RORA: variants seen among roughly 807,000 people sequenced by gnomAD.
The protein encoded by RORA is nuclear receptor ROR-alpha.
In RORA, 7 loss-of-function variants were observed where a neutral mutation model predicts 69.5. The observed-to-expected ratio is 0.10, with a 90% CI of 0.06 to 0.19. The LOEUF (loss-of-function observed/expected upper bound fraction) is 0.19. RORA is among the 10% of genes least tolerant of loss of function. The probability of loss-of-function intolerance (pLI) is 1.00; values close to 1 mark genes in which losing one functional copy is unlikely to be tolerated. For synonymous variants in RORA, 261 were observed against 240.8 expected, an observed-to-expected ratio of 1.08 and a Z score of -0.78; for missense variants, 457 against 663.0, an observed-to-expected ratio of 0.69 and a Z score of 3.41.
intron 1 of RORA, among the ~76,000 whole-genome samples, chr15:61,077,464 G>T (rs1044371130): frequency 6.6e-6 from 1 of 152,054 alleles, no homozygotes; most frequent in South Asian, 2.1e-4. Context: ...TCGACTATGG[G>T]TACCTAGATA....
chr15:60,729,841 T>C (rs1042126510), intron 1 of RORA, among the ~76,000 whole-genome samples: 1 of 152,268 alleles, frequency 6.6e-6, no homozygotes, highest in Non-Finnish European at 1.5e-5. Context: ...TTAGGGATGG[T>C]ATTTTCTATG....
intron 1 of RORA, among the ~76,000 whole-genome samples, chr15:61,095,127 G>C (rs910309467): frequency 6.6e-6 from 1 of 152,188 alleles, no homozygotes; most frequent in East Asian, 1.9e-4. Flanking sequence ...GTGTAAAGCT[G>C]TAATCAGGGA....
chr15:60,676,720 G>A (rs749358843), intron 2 of RORA, among the ~76,000 whole-genome samples: 1 of 152,188 alleles, frequency 6.6e-6, no homozygotes, highest in Non-Finnish European at 1.5e-5. Context: ...CCTGGTTCAA[G>A]TGTCTGTTTT....
intron 1 of RORA, among the ~76,000 whole-genome samples, chr15:61,006,745 G>A (rs1197098296): frequency 6.6e-6 from 1 of 152,082 alleles, no homozygotes; most frequent in Non-Finnish European, 1.5e-5. Flanking sequence ...TCTGCCTGAA[G>A]AATGCATTAT....
intron 1 of RORA, among the ~76,000 whole-genome samples, chr15:60,987,019 A>G (rs1357815282): frequency 6.6e-6 from 1 of 152,178 alleles, no homozygotes; most frequent in Non-Finnish European, 1.5e-5. Flanking sequence ...GCTACTTCGG[A>G]TGTCCAGTAA....
chr15:61,001,614 C>T (rs1195012897), intron 1 of RORA, among the ~76,000 whole-genome samples: 1 of 152,210 alleles, frequency 6.6e-6, no homozygotes, highest in Non-Finnish European at 1.5e-5. Context: ...CAAGTATCTC[C>T]TGAGTGCCGG....
intron 1 of RORA, among the ~76,000 whole-genome samples, chr15:61,205,573 C>T (rs2079933779): frequency 6.6e-6 from 1 of 152,176 alleles, no homozygotes. Flanking sequence ...TTCTCTAGCA[C>T]ATCCGTCTCA....
At chr15:60,754,443 C>T (rs1595687457) in intron 1 of RORA, among the ~76,000 whole-genome samples, 1 of 152,250 alleles carries the variant, frequency 6.6e-6, no homozygotes, top group African/African-American at 2.4e-5. Flanking sequence ...CTGTAGCATC[C>T]ATATCATCTG....
intron 1 of RORA, among the ~76,000 whole-genome samples, chr15:60,709,204 A>C (rs1178928394): frequency 2.0e-5 from 3 of 152,212 alleles, no homozygotes; most frequent in Non-Finnish European, 4.4e-5. Context: ...AAGTGACTAC[A>C]TTTAAGTTTT....
chr15:61,216,127 C>T (rs1248306813), intron 1 of RORA, among the ~76,000 whole-genome samples: 2 of 152,154 alleles, frequency 1.3e-5, no homozygotes, highest in South Asian at 2.1e-4. Context: ...AATACTTTGA[C>T]CTATCCTAGT....
At chr15:60,981,729 G>C (rs1186746248) in intron 1 of RORA, among the ~76,000 whole-genome samples, 1 of 151,832 alleles carries the variant, frequency 6.6e-6, no homozygotes, top group Non-Finnish European at 1.5e-5. Flanking sequence ...TTTAGACTTA[G>C]TTTCAGCTTT....
chr15:60,517,700 ACT>A (rs1334787673), intron 3 of RORA, among the ~76,000 whole-genome samples: 1 of 151,888 alleles, frequency 6.6e-6, no homozygotes, highest in Non-Finnish European at 1.5e-5. Context: ...CTTTCTTGAG[ACT>A]CTCCCACCGT....
chr15:61,005,841 C>T lies in RORA; in HGVS notation c.166+223212G>A, dbSNP rs189372505. Among the ~76,000 whole-genome samples, 61 of 152,178 alleles carry T rather than the reference C, an allele frequency of 4.0e-4. No homozygotes were observed. The East Asian group carries it at 0.01, about 25-fold the overall frequency. On this transcript the variant is annotated intron_variant, in intron 1 of 10. Transcript: ENST00000335670. ...TCTCTTGGCCATGAGTAGGAGTGTG[C>T]GTATGTCTGTGTATGTGTGTACATG...
At chr15:61,063,186 T>C (rs1319870601) in intron 1 of RORA, among the ~76,000 whole-genome samples, 3 of 152,194 alleles carry the variant, frequency 2.0e-5, no homozygotes, top group African/African-American at 7.2e-5. Context: ...GACTCAATAA[T>C]ATCTGAACCC....
intron 1 of RORA, among the ~76,000 whole-genome samples, chr15:60,987,634 G>A (rs781275194): frequency 2.0e-5 from 3 of 152,156 alleles, no homozygotes; most frequent in Non-Finnish European, 2.9e-5. Context: ...ACATTTTGGG[G>A]ATTTCATCGT....
At chr15:61,130,885 A>G (rs2079184961) in intron 1 of RORA, among the ~76,000 whole-genome samples, 1 of 152,238 alleles carries the variant, frequency 6.6e-6, no homozygotes, top group East Asian at 1.9e-4. Flanking sequence ...TAAAGAAGAG[A>G]AGGTGAGCAT....
intron 1 of RORA, among the ~76,000 whole-genome samples, chr15:61,111,156 T>G (rs746786454): frequency 2.0e-5 from 3 of 152,246 alleles, no homozygotes; most frequent in African/African-American, 7.2e-5. Flanking sequence ...GATTTGATTT[T>G]ATTTTCTCTT....
intron 1 of RORA, among the ~76,000 whole-genome samples, chr15:60,982,999 TGAA>T (rs1302728127): frequency 1.3e-5 from 2 of 152,164 alleles, no homozygotes; most frequent in Non-Finnish European, 2.9e-5. Context: ...TTATAGACCT[TGAA>T]GAAGACTGGC....
intron 1 of RORA, among the ~76,000 whole-genome samples, chr15:61,177,503 G>C (rs1008726087): frequency 1.3e-5 from 2 of 152,148 alleles, no homozygotes; most frequent in African/African-American, 4.8e-5. Context: ...ACAACGATGT[G>C]AAAAATACGG....
Sources: gnomAD v4.1 joint callset for allele counts (sites outside exome capture counted in the v4.1 genomes callset) on GRCh38, gnomAD v4.1.1 for gene constraint, MANE v1.5 for transcripts, NCBI Gene and HGNC (gene_info 2026-07-23, HGNC 2026-07-21) for gene names.